The following ERC2 variants were observed in gnomAD, a reference collection of about 807,000 sequenced individuals.
ERC2 encodes ERC protein 2.
ERC2 carries 42 observed loss-of-function variants against 114.8 expected under a neutral mutation model. The observed-to-expected ratio is 0.37, with a 90% CI of 0.29 to 0.47. The LOEUF (loss-of-function observed/expected upper bound fraction) is 0.47, where lower values mean the gene tolerates loss of function less well. Ranked by LOEUF, ERC2 falls within the 20% of genes least tolerant of loss-of-function variation. The pLI is 0.99. For missense variants in ERC2, 939 were observed against 1,150.7 expected (o/e 0.82, Z 2.66); for synonymous variants, 454 against 425.5 (o/e 1.07, Z -0.82).
chr3:56,371,781 G>A (rs1010103027), intron 2 of ERC2, among the ~76,000 whole-genome samples: 2 of 152,228 alleles, frequency 1.3e-5, no homozygotes, highest in African/African-American at 4.8e-5. Context: ...TCAGACCTAT[G>A]TCAGGGCATA....
chr3:56,046,942 GC>G (rs1456962273), intron 7 of ERC2, among the ~76,000 whole-genome samples: 1 of 152,150 alleles, frequency 6.6e-6, no homozygotes, highest in Admixed American at 6.5e-5. Flanking sequence ...AATGATGCAG[GC>G]CCCAGATTCA....
intron 10 of ERC2, among the ~76,000 whole-genome samples, chr3:56,002,508 A>G (rs1233464049): frequency 1.3e-5 from 2 of 152,176 alleles, no homozygotes; most frequent in East Asian, 3.8e-4. Flanking sequence ...CATTTTACAA[A>G]TATTTTTACT....
chr3:56,180,544 T>C (rs1008955674), intron 3 of ERC2, among the ~76,000 whole-genome samples: 1 of 152,296 alleles, frequency 6.6e-6, no homozygotes, highest in South Asian at 2.1e-4. Context: ...GACATTATGT[T>C]AAGTGAAATA....
At chr3:55,756,787 C>T (rs2067086795) in intron 14 of ERC2, among the ~76,000 whole-genome samples, 1 of 152,120 alleles carries the variant, frequency 6.6e-6, no homozygotes, top group African/African-American at 2.4e-5. Context: ...TTAAATCTTT[C>T]TCGCCTACCA....
intron 6 of ERC2, among the ~76,000 whole-genome samples, chr3:56,125,315 C>A (rs1368169703): frequency 2.0e-5 from 3 of 152,044 alleles, no homozygotes; most frequent in Non-Finnish European, 2.9e-5. Flanking sequence ...TCCAAGCAGG[C>A]AAAATAAAGT....
chr3:55,536,648 C>T (rs568524656), intron 17 of ERC2, among the ~76,000 whole-genome samples: 13 of 152,292 alleles, frequency 8.5e-5, no homozygotes, highest in East Asian at 3.9e-4. Flanking sequence ...TAAAGAGTTT[C>T]GTAGTAATAA....
chr3:55,557,981 A>G (rs111401754), intron 17 of ERC2, among the ~76,000 whole-genome samples: 1 of 152,222 alleles, frequency 6.6e-6, no homozygotes, highest in African/African-American at 2.4e-5. Context: ...TTCTGGCTCC[A>G]GTGCTTACTA....
intron 14 of ERC2, among the ~76,000 whole-genome samples, chr3:55,855,539 G>A (rs1481295574): frequency 6.6e-6 from 1 of 152,182 alleles, no homozygotes; most frequent in Non-Finnish European, 1.5e-5. Flanking sequence ...ACATTTCTTT[G>A]GTAGGGGGGG....
chr3:55,683,296 C>T (rs17055741), intron 17 of ERC2, among the ~76,000 whole-genome samples: 20,926 of 152,224 alleles, frequency 0.14, 1,759 homozygotes, highest in East Asian at 0.32. Flanking sequence ...ATCCATTAAA[C>T]GGCCTTCTTA....
At chr3:56,137,537 T>G (rs1284990217) in intron 6 of ERC2, among the ~76,000 whole-genome samples, 5 of 152,350 alleles carry the variant, frequency 3.3e-5, no homozygotes, top group Non-Finnish European at 4.4e-5. Context: ...GTAAATATTT[T>G]CAGCTTTGTG....
At chr3:56,365,953 A>ATG (rs2059134441) in intron 2 of ERC2, among the ~76,000 whole-genome samples, 1 of 152,240 alleles carries the variant, frequency 6.6e-6, no homozygotes, top group Non-Finnish European at 1.5e-5. Context: ...TAAATATACA[A>ATG]ATGGACATGG....
chr3:55,981,086 G>A (rs151269027), intron 12 of ERC2, among the ~76,000 whole-genome samples: 117 of 152,350 alleles, frequency 7.7e-4, no homozygotes, highest in African/African-American at 2.7e-3. Context: ...GCTAGGATCG[G>A]AAAGGTGTAA....
At chr3:56,291,713 A>G (rs1404887055) in intron 3 of ERC2, among the ~76,000 whole-genome samples, 8 of 152,164 alleles carry the variant, frequency 5.3e-5, no homozygotes, top group Admixed American at 3.9e-4. Flanking sequence ...TACATTTTAA[A>G]TCTTGTTTTA....
chr3:56,460,471 T>C (rs1037376197), intron 1 of ERC2, among the ~76,000 whole-genome samples: 8 of 152,198 alleles, frequency 5.3e-5, no homozygotes, highest in African/African-American at 1.9e-4. Context: ...TTATGGAACT[T>C]ATCAAATTAT....
chr3:56,422,587 T>G (rs144024312), intron 2 of ERC2, among the ~76,000 whole-genome samples: 1 of 152,356 alleles, frequency 6.6e-6, no homozygotes, highest in African/African-American at 2.4e-5. Context: ...TATACCTCTT[T>G]GACAGCATGC....
At chr3:56,450,504 A>G (rs992888702) in intron 1 of ERC2, among the ~76,000 whole-genome samples, 22 of 152,238 alleles carry the variant, frequency 1.4e-4, no homozygotes, top group African/African-American at 4.8e-4. Flanking sequence ...ACTATTATCT[A>G]GTACACAGCT....
At chr3:55,692,954 AAAC>A (rs1482071019) in intron 16 of ERC2, among the ~76,000 whole-genome samples, 2 of 152,212 alleles carry the variant, frequency 1.3e-5, no homozygotes, top group Non-Finnish European at 2.9e-5. Context: ...GCTTATGGCA[AAAC>A]AACATGTGTC....
intron 2 of ERC2, among the ~76,000 whole-genome samples, chr3:56,321,007 C>T (rs965151905): frequency 3.3e-5 from 5 of 152,186 alleles, no homozygotes; most frequent in South Asian, 2.1e-4. Context: ...TGCCACAGGT[C>T]GCATGGTGAA....
chr3:56,111,821 T>A (rs566181152), intron 6 of ERC2, among the ~76,000 whole-genome samples: 1 of 152,364 alleles, frequency 6.6e-6, no homozygotes, highest in South Asian at 2.1e-4. Flanking sequence ...TTAGCAGCAG[T>A]TGCTTGGCTC....
Sources: allele counts gnomAD v4.1 joint callset (sites outside exome capture counted in the v4.1 genomes callset), GRCh38; gene constraint gnomAD v4.1.1; transcripts MANE v1.5; gene names NCBI Gene and HGNC (gene_info 2026-07-23, HGNC 2026-07-21).